The following URI1 variants were observed in gnomAD, a reference collection of about 807,000 sequenced individuals.
The protein encoded by URI1 is URI1 prefoldin like chaperone.
URI1 carries 39 observed loss-of-function variants against 60.2 expected under a neutral mutation model. The ratio of observed to expected loss-of-function variants is 0.65; its 90% CI spans 0.50 to 0.85. The LOEUF is 0.85. URI1 is among the 40% of genes least tolerant of loss of function. The pLI, the probability that URI1 is intolerant of heterozygous loss-of-function variation, is 0.00. For synonymous variants in URI1, 251 were observed against 236.8 expected (o/e 1.06, Z -0.55); for missense variants, 691 against 665.9 (o/e 1.04, Z -0.42).
At chr19:29,966,846 C>A (rs952112543) in intron 1 of URI1, among the ~76,000 whole-genome samples, 1 of 152,154 alleles carries the variant, frequency 6.6e-6, no homozygotes, top group African/African-American at 2.4e-5. Flanking sequence ...GCACAGTTCC[C>A]AAACTGTTAT....
intron 2 of URI1, among the ~76,000 whole-genome samples, chr19:29,975,801 C>T (rs980646742): frequency 2.6e-4 from 40 of 152,268 alleles, no homozygotes; most frequent in Middle Eastern, 3.4e-3. Context: ...CCACCGCACC[C>T]GGCCCCTCAG....
chr19:29,974,367 C>T (rs1471913951), intron 2 of URI1, among the ~76,000 whole-genome samples: 3 of 150,120 alleles, frequency 2.0e-5, no homozygotes, highest in Non-Finnish European at 4.4e-5. Context: ...GTTTTTTTGT[C>T]ATGATGGAGA....
chr19:29,949,924 G>A (rs1205094345), intron 1 of URI1, among the ~76,000 whole-genome samples: 2 of 150,010 alleles, frequency 1.3e-5, no homozygotes, highest in Non-Finnish European at 2.9e-5. Flanking sequence ...GGGAGACTGT[G>A]GGGAGACGGG....
chr19:30,015,423 C>T lies in URI1; in HGVS notation c.*354C>T, dbSNP rs937017008. On this transcript the variant is annotated 3_prime_UTR_variant, in exon 11 of 11. Coordinates refer to ENST00000392271, the MANE Select transcript of URI1 (RefSeq NM_003796.3). ...GTTTTGTGCCAGCTGTGATATTGTG[C>T]ATACCATATGGACCATTTTAAAGAA... The T allele has an allele frequency of 3.4e-6, 5 of 1,480,138 alleles. No homozygotes were observed. The highest frequency in any genetic ancestry group is 1.4e-5 in the South Asian group (1 of 72,084). 91.7% of individuals were successfully genotyped at this position (1,480,138 alleles called of 1,614,324 possible).
intron 1 of URI1, chr19:29,956,224 A>C: frequency 2.2e-6 from 1 of 463,046 alleles, no homozygotes; most frequent in South Asian, 2.3e-5. Flanking sequence ...CAGGTGATCC[A>C]CCTGTCTTCG....
chr19:30,004,126 CG>C (rs2055910854), intron 4 of URI1, among the ~76,000 whole-genome samples: 2 of 151,990 alleles, frequency 1.3e-5, no homozygotes, highest in Admixed American at 1.3e-4. Context: ...AATTTGCTGC[CG>C]TGAGAAAAGG....
chr19:30,002,361 T>C (rs771312391), intron 4 of URI1, among the ~76,000 whole-genome samples: 9 of 152,014 alleles, frequency 5.9e-5, no homozygotes, highest in Non-Finnish European at 1.3e-4. Context: ...GGTTTTAAAT[T>C]TTCTTTTTTG....
intron 1 of URI1, among the ~76,000 whole-genome samples, chr19:29,966,226 A>C (rs2055389874): frequency 6.6e-6 from 1 of 150,388 alleles, no homozygotes; most frequent in African/African-American, 2.5e-5. Flanking sequence ...GGCTCACTGC[A>C]ACCTCCACCT....
chr19:29,971,042 G>A (rs905099801), intron 1 of URI1, 151 bp from the exon 2 acceptor site: 10 of 712,424 alleles, frequency 1.4e-5, no homozygotes, highest in African/African-American at 5.3e-5. Flanking sequence ...AAAAACTAAC[G>A]TTCACATCTC....
At chr19:29,987,428 C>A (rs983192717) in intron 4 of URI1, among the ~76,000 whole-genome samples, 1 of 152,116 alleles carries the variant, frequency 6.6e-6, no homozygotes, top group South Asian at 2.1e-4. Flanking sequence ...ATATTTTGAT[C>A]TTTTGTGACA....
chr19:29,960,958 A>G (rs1392446580), intron 1 of URI1, among the ~76,000 whole-genome samples: 1 of 152,024 alleles, frequency 6.6e-6, no homozygotes, highest in Non-Finnish European at 1.5e-5. Flanking sequence ...AGCTCAAGTG[A>G]TCCTGCCTGA....
chr19:29,970,624 G>A, intron 1 of URI1, among the ~76,000 whole-genome samples: 1 of 151,802 alleles, frequency 6.6e-6, no homozygotes, highest in Non-Finnish European at 1.5e-5. Flanking sequence ...AATTCACTGG[G>A]GAACAAATGA....
chr19:29,999,617 T>C (rs939670932), intron 4 of URI1, among the ~76,000 whole-genome samples: 4 of 152,086 alleles, frequency 2.6e-5, no homozygotes, highest in Admixed American at 2.6e-4. Flanking sequence ...TCTTTGTTGT[T>C]GTTCAACAGT....
chr19:29,983,674 GC>G (rs1235148619), intron 2 of URI1, among the ~76,000 whole-genome samples: 1 of 152,094 alleles, frequency 6.6e-6, no homozygotes, highest in African/African-American at 2.4e-5. Context: ...CTGTATCTTA[GC>G]AGGGAACCCT....
At chr19:29,955,783 A>T (rs971632624) in intron 1 of URI1, among the ~76,000 whole-genome samples, 1 of 150,854 alleles carries the variant, frequency 6.6e-6, no homozygotes, top group Non-Finnish European at 1.5e-5. Context: ...TTGAGACAGG[A>T]TTTCACCATG....
In URI1 at chr19:29,942,414, G is replaced by C. The variant is rs2055038856; in HGVS notation, c.-134G>C. On this transcript the variant is annotated 5_prime_UTR_variant, in exon 1 of 11. Transcript: ENST00000392271. ...GGACGCGAACAGCAGCGGCGGCGGC[G>C]GGCGCGGCCTCCTGGGCGCGGGGCG... 1 of 982,700 alleles carries C rather than the reference G, an allele frequency of 1.0e-6. No homozygotes were observed. Among genetic ancestry groups the C allele is most frequent in the South Asian group, 4.5e-5 (1 of 22,128 alleles). 60.9% of individuals were successfully genotyped at this position (982,700 alleles called of 1,614,324 possible).
chr19:29,951,335 T>C (rs893647574), intron 1 of URI1, among the ~76,000 whole-genome samples: 1 of 152,182 alleles, frequency 6.6e-6, no homozygotes, highest in Non-Finnish European at 1.5e-5. Flanking sequence ...ATCAGTTATA[T>C]TGGTGTTTGC....
At chr19:29,960,059 A>G (rs1054083703) in intron 1 of URI1, among the ~76,000 whole-genome samples, 3 of 152,018 alleles carry the variant, frequency 2.0e-5, no homozygotes, top group African/African-American at 7.2e-5. Context: ...TCTAATTTCT[A>G]TTGTGATTTG....
intron 10 of URI1, among the ~76,000 whole-genome samples, chr19:30,013,279 G>GAT (rs763487390): frequency 6.6e-6 from 1 of 151,924 alleles, no homozygotes; most frequent in African/African-American, 2.4e-5. Context: ...TATACAATAA[G>GAT]ATACATGCAT....
Sources: gnomAD v4.1 joint callset for allele counts (sites outside exome capture counted in the v4.1 genomes callset) on GRCh38, gnomAD v4.1.1 for gene constraint, MANE v1.5 for transcripts, NCBI Gene and HGNC (gene_info 2026-07-23, HGNC 2026-07-21) for gene names.